Variants in LINGO2 observed in about 807,000 individuals in gnomAD.
LINGO2 encodes the protein leucine rich repeat and Ig domain containing 2.
A neutral mutation model predicts 30.6 loss-of-function variants in LINGO2; 14 were observed. The ratio of observed to expected loss-of-function variants is 0.46; its 90% CI spans 0.30 to 0.72. The LOEUF is 0.72. Among genes scored for constraint, LINGO2 ranks in the 30% least tolerant of loss-of-function variants. LINGO2 has a pLI of 0.07. For missense variants in LINGO2, 729 were observed against 751.7 expected (o/e 0.97, Z 0.35); for synonymous variants, 317 against 288.5 (o/e 1.10, Z -1.00).
the LINGO2 span, among the ~76,000 whole-genome samples, chr9:28,681,529 C>T: frequency 1.1e-3 from 172 of 151,922 alleles, no homozygotes; most frequent in Admixed American, 6.5e-3. Context: ...AACAAACAAA[C>T]ACACAAAAAA....
intron 1 of LINGO2, among the ~76,000 whole-genome samples, chr9:28,637,109 T>G (rs1827318442): frequency 6.6e-6 from 1 of 152,192 alleles, no homozygotes; most frequent in African/African-American, 2.4e-5. Context: ...TTTTGTCAGG[T>G]TTGTCAAAGA....
the LINGO2 span, among the ~76,000 whole-genome samples, chr9:29,090,706 G>A: frequency 1.3e-5 from 2 of 151,962 alleles, no homozygotes; most frequent in South Asian, 4.2e-4. Context: ...GAAATTTCAG[G>A]GATGGGGAGA....
chr9:28,682,009 A>G, the LINGO2 span, among the ~76,000 whole-genome samples: 1 of 152,228 alleles, frequency 6.6e-6, no homozygotes, highest in African/African-American at 2.4e-5. Flanking sequence ...AGCAAGCTGA[A>G]ATGGCAGCAG....
chr9:29,045,642 A>C, the LINGO2 span, among the ~76,000 whole-genome samples: 2 of 151,518 alleles, frequency 1.3e-5, no homozygotes, highest in East Asian at 3.9e-4. Flanking sequence ...CTTTGGTTTC[A>C]TATGAATTTT....
At chr9:28,813,759 C>T in the LINGO2 span, among the ~76,000 whole-genome samples, 1 of 152,114 alleles carries the variant, frequency 6.6e-6, no homozygotes. Flanking sequence ...TTGAAACAGT[C>T]TACTTTAGAT....
chr9:28,879,422 A>G, the LINGO2 span, among the ~76,000 whole-genome samples: 1 of 152,162 alleles, frequency 6.6e-6, no homozygotes, highest in African/African-American at 2.4e-5. Flanking sequence ...AATAGTGATA[A>G]TAAGAAACCT....
chr9:29,155,246 T>C, the LINGO2 span, among the ~76,000 whole-genome samples: 7 of 152,160 alleles, frequency 4.6e-5, no homozygotes, highest in East Asian at 1.9e-4. Context: ...TTCTTATTCC[T>C]TGGAGCTAGG....
the LINGO2 span, among the ~76,000 whole-genome samples, chr9:29,132,147 G>C: frequency 6.6e-6 from 1 of 151,800 alleles, no homozygotes; most frequent in Non-Finnish European, 1.5e-5. Flanking sequence ...GCATGAAGCA[G>C]TTACAGAAGA....
At chr9:28,854,099 T>G in the LINGO2 span, among the ~76,000 whole-genome samples, 1 of 151,912 alleles carries the variant, frequency 6.6e-6, no homozygotes, top group Non-Finnish European at 1.5e-5. Flanking sequence ...GAGGTACTAC[T>G]AGTACTAGAG....
intron 3 of LINGO2, among the ~76,000 whole-genome samples, chr9:28,349,596 C>A (rs550086695): frequency 0.018 from 2,442 of 135,400 alleles, 89 homozygotes; most frequent in African/African-American, 0.065. Context: ...TCCAGGAGAA[C>A]TTCCCCAATC....
the LINGO2 span, among the ~76,000 whole-genome samples, chr9:29,203,884 T>C: frequency 6.6e-6 from 1 of 152,168 alleles, no homozygotes; most frequent in East Asian, 1.9e-4. Flanking sequence ...TATATTGCTA[T>C]GATATTAAAT....
At chr9:27,942,732 C>A in the LINGO2 span, 7 of 152,020 alleles carry the variant, frequency 4.6e-5, no homozygotes, top group Non-Finnish European at 1.0e-4. Flanking sequence ...CTCTTTTTCT[C>A]CTGCTCAGGC....
At chr9:28,610,001 A>G (rs1277917124) in intron 1 of LINGO2, among the ~76,000 whole-genome samples, 3 of 152,108 alleles carry the variant, frequency 2.0e-5, no homozygotes, top group Non-Finnish European at 4.4e-5. Flanking sequence ...ATAACATATT[A>G]TTTTTATAAT....
intron 4 of LINGO2, among the ~76,000 whole-genome samples, chr9:28,198,638 A>T (rs1820104860): frequency 6.6e-6 from 1 of 152,184 alleles, no homozygotes; most frequent in Admixed American, 6.5e-5. Flanking sequence ...ACCATCACTT[A>T]ACAAAAATCA....
the LINGO2 span, among the ~76,000 whole-genome samples, chr9:28,772,624 A>G: frequency 6.6e-6 from 1 of 152,228 alleles, no homozygotes; most frequent in African/African-American, 2.4e-5. Context: ...TATTTCTTCT[A>G]GGCCTTACAT....
intron 1 of LINGO2, among the ~76,000 whole-genome samples, chr9:28,651,476 A>C (rs543149048): frequency 6.6e-6 from 1 of 152,078 alleles, no homozygotes; most frequent in Non-Finnish European, 1.5e-5. Context: ...CTGCTCCCCA[A>C]TGCAAGAACA....
chr9:28,213,934 T>C (rs903328967), intron 4 of LINGO2, among the ~76,000 whole-genome samples: 9 of 151,568 alleles, frequency 5.9e-5, no homozygotes, highest in African/African-American at 2.2e-4. Flanking sequence ...CAATTTTATA[T>C]TTTAAAAGAA....
At position 28,589,884 on chromosome 9, in the gene LINGO2, C is replaced by A. The variant is rs375307358; in HGVS notation, c.-365+80316G>T. On this transcript the variant is annotated intron_variant, in intron 1 of 5. Coordinates refer to ENST00000379992, the Ensembl canonical transcript of LINGO2. The stretch of plus-strand genomic sequence containing the variant: ...AAAAAGAAAAAAGCTGGAGGCATCA[C>A]ACTACCTGACTTCAAAATATACTAC... 7.9e-5 allele frequency among the ~76,000 whole-genome samples: 12 copies of A among 152,256 alleles called. No homozygotes were observed. In the East Asian group the frequency reaches 2.1e-3, roughly 27 times the overall value.
At chr9:28,165,067 C>A (rs562678440) in intron 4 of LINGO2, among the ~76,000 whole-genome samples, 1 of 152,286 alleles carries the variant, frequency 6.6e-6, no homozygotes, top group South Asian at 2.1e-4. Context: ...GACTGTTCTT[C>A]CTGCCAATTA....
Sources: gnomAD v4.1 joint callset for allele counts (sites outside exome capture counted in the v4.1 genomes callset) on GRCh38, gnomAD v4.1.1 for gene constraint, MANE v1.5 for transcripts, NCBI Gene and HGNC (gene_info 2026-07-23, HGNC 2026-07-21) for gene names.